THADA: variants seen among roughly 807,000 people sequenced by gnomAD.
The protein encoded by THADA is THADA armadillo repeat containing.
Under a neutral mutation model 219.8 loss-of-function variants are expected in THADA, and 213 were observed. The ratio of observed to expected loss-of-function variants is 0.97; its 90% CI spans 0.87 to 1.09. The LOEUF is 1.09. Ranked by LOEUF, THADA falls within the 50% of genes least tolerant of loss-of-function variation. THADA has a pLI of 0.00. For missense variants in THADA, 2,956 were observed against 2,311.3 expected (o/e 1.28, Z -5.72); for synonymous variants, 1,018 against 828.9 (o/e 1.23, Z -3.92).
chr2:43,341,372 A>T (rs575642976), intron 30 of THADA, among the ~76,000 whole-genome samples: 33 of 152,292 alleles, frequency 2.2e-4, no homozygotes, highest in African/African-American at 7.9e-4. Flanking sequence ...AGAGGGAATG[A>T]GAATGGAAAG....
chr2:43,570,515 T>C lies in THADA; in HGVS notation c.2065-5A>G. On this transcript the variant is annotated splice_region_variant and splice_polypyrimidine_tract_variant and intron_variant, in intron 13 of 37. Transcript: ENST00000405975. ...TTCCTGTATCCTACAAAACAACTTT[T>C]GAAACAAAGGAAATGAAGCACAGGT... 1 of 1,603,310 alleles carries C rather than the reference T, an allele frequency of 6.2e-7. No homozygotes were observed. Among genetic ancestry groups the C allele is most frequent in the Non-Finnish European group, 8.5e-7 (1 of 1,177,072 alleles).
chr2:43,546,433 T>C (rs1464352401), intron 20 of THADA, among the ~76,000 whole-genome samples: 4 of 152,198 alleles, frequency 2.6e-5, no homozygotes, highest in Non-Finnish European at 5.9e-5. Context: ...CTTGTTAACT[T>C]TCTGTCTCGT....
intron 26 of THADA, among the ~76,000 whole-genome samples, chr2:43,435,817 G>T (rs1280278440): frequency 7.0e-6 from 1 of 143,400 alleles, no homozygotes; most frequent in East Asian, 2.0e-4. Context: ...AAAGAAAAAA[G>T]AAATGCATGA....
chr2:43,245,996 C>T (rs561394300), intron 36 of THADA, among the ~76,000 whole-genome samples: 9 of 152,122 alleles, frequency 5.9e-5, no homozygotes, highest in African/African-American at 1.9e-4. Context: ...AGGCGCCCAC[C>T]TCCGAGCTTT....
rs566846705 is a variant in THADA at position 43,578,772 on chromosome 2, CTTTTCTCTTGG to C, written c.722-176_722-166del. ...AGTTATTTAACATCCCACAGACTCTCTTTTCTCTTGGGTAAAATGGGATAACTCTTAACTGA... is the reference window on the plus strand; with the variant it reads ...AGTTATTTAACATCCCACAGACTCTCGTAAAATGGGATAACTCTTAACTGA... On this transcript the variant is annotated intron_variant, in intron 8 of 37. Coordinates refer to ENST00000405975, the MANE Select transcript of THADA (RefSeq NM_022065.5). 1.8e-4 allele frequency among the ~76,000 whole-genome samples: 27 copies of C among 152,318 alleles called. No homozygotes were observed. The East Asian group carries it at 5.0e-3, about 28-fold the overall frequency.
At chr2:43,407,375 T>G (rs900781494) in intron 28 of THADA, among the ~76,000 whole-genome samples, 2 of 151,964 alleles carry the variant, frequency 1.3e-5, no homozygotes, top group African/African-American at 2.4e-5. Context: ...ATTAAAAAAC[T>G]TTTTTTTAGC....
At chr2:43,427,261 C>T (rs1325572173) in intron 28 of THADA, among the ~76,000 whole-genome samples, 2 of 152,154 alleles carry the variant, frequency 1.3e-5, no homozygotes, top group Non-Finnish European at 2.9e-5. Flanking sequence ...CAGAACCAAG[C>T]CTGCTCCGTG....
intron 29 of THADA, among the ~76,000 whole-genome samples, chr2:43,384,337 A>T (rs957954451): frequency 2.0e-5 from 3 of 151,678 alleles, no homozygotes; most frequent in African/African-American, 7.3e-5. Context: ...TGTGAGTAAG[A>T]GCTTACCACT....
chr2:43,535,586 C>T (rs192061673), intron 21 of THADA, among the ~76,000 whole-genome samples: 2 of 138,376 alleles, frequency 1.4e-5, no homozygotes, highest in East Asian at 2.2e-4. Flanking sequence ...GAGGCTGAGG[C>T]AGGAGAATCG....
chr2:43,368,087 C>T (rs955228590), intron 29 of THADA, among the ~76,000 whole-genome samples: 12 of 152,138 alleles, frequency 7.9e-5, no homozygotes. Context: ...CATTGCACTC[C>T]AGCCTGGGCA....
intron 23 of THADA, among the ~76,000 whole-genome samples, chr2:43,507,528 C>G (rs148117243): frequency 6.6e-6 from 1 of 152,196 alleles, no homozygotes; most frequent in East Asian, 1.9e-4. Flanking sequence ...CTGAAGGTCA[C>G]CAAAATCCAT....
Position 43,577,060 on chromosome 2 carries a change from G to A in THADA, c.999C>T (p.Leu333=), listed in dbSNP as rs932024916. ...TGAACAAAACATGTGCAGTATCCAA[G>A]AGCAGGGCCTCCCCACTCCGACCCA... ...GSMGRSGEAL[L]LDTAHVLFTL... Residue 333 remains leucine (L), a synonymous_variant, in exon 10 of 38, where the codon CTC becomes CTT. Transcript: ENST00000405975. 1.9e-6 allele frequency: 3 copies of A among 1,613,492 alleles called. No individual in the cohort carries two copies. The highest frequency in any genetic ancestry group is 1.7e-6 in the Non-Finnish European group (2 of 1,179,750).
intron 26 of THADA, among the ~76,000 whole-genome samples, chr2:43,444,367 T>C (rs1275608485): frequency 6.6e-6 from 1 of 152,224 alleles, no homozygotes; most frequent in African/African-American, 2.4e-5. Flanking sequence ...AGCACTAACC[T>C]TGACACCAAG....
At chr2:43,326,476 A>T (rs902659521) in intron 30 of THADA, among the ~76,000 whole-genome samples, 2 of 152,192 alleles carry the variant, frequency 1.3e-5, no homozygotes, top group African/African-American at 4.8e-5. Flanking sequence ...GGTTATTTTT[A>T]TTTAATTTAT....
At chr2:43,299,606 G>A (rs551098753) in intron 31 of THADA, among the ~76,000 whole-genome samples, 1 of 152,240 alleles carries the variant, frequency 6.6e-6, no homozygotes, top group East Asian at 1.9e-4. Context: ...AGTTTGCAGT[G>A]AGCCAAGATA....
intron 29 of THADA, among the ~76,000 whole-genome samples, chr2:43,354,040 A>G (rs917013728): frequency 5.3e-5 from 8 of 151,922 alleles, no homozygotes; most frequent in Non-Finnish European, 1.2e-4. Context: ...GCTGGTCTCA[A>G]TCTCCTGACC....
chr2:43,495,527 A>T (rs984628421), intron 25 of THADA, among the ~76,000 whole-genome samples: 21 of 152,296 alleles, frequency 1.4e-4, no homozygotes, highest in African/African-American at 5.1e-4. Flanking sequence ...GTAATTTAAC[A>T]GGTGACTTTT....
At chr2:43,306,695 C>T (rs920980277) in intron 31 of THADA, among the ~76,000 whole-genome samples, 1 of 152,152 alleles carries the variant, frequency 6.6e-6, no homozygotes, top group Non-Finnish European at 1.5e-5. Context: ...TAGCAAAATC[C>T]AACAAAATCT....
intron 1 of THADA, among the ~76,000 whole-genome samples, chr2:43,594,780 T>A (rs1247335916): frequency 6.6e-6 from 1 of 152,180 alleles, no homozygotes; most frequent in African/African-American, 2.4e-5. Flanking sequence ...TGCCCCTTAA[T>A]GTTCATTCCA....
Sources: gnomAD v4.1 joint callset for allele counts (sites outside exome capture counted in the v4.1 genomes callset) on GRCh38, gnomAD v4.1.1 for gene constraint, MANE v1.5 for transcripts, NCBI Gene and HGNC (gene_info 2026-07-23, HGNC 2026-07-21) for gene names.